The following C10orf143 variants were observed in gnomAD, a reference collection of about 807,000 sequenced individuals.
The protein encoded by C10orf143 is uncharacterized protein C10orf143.
Position 130,064,217 on chromosome 10 carries a change from C to A in C10orf143, c.*137G>T, listed in dbSNP as rs546348025. The stretch of plus-strand genomic sequence containing the variant: ...CTAGAATGAAAGGACAGACAAACCT[C>A]CCCCCACCCACAGAGGACACCGGGC... On this transcript the variant is annotated 3_prime_UTR_variant, in exon 4 of 4. Transcript: ENST00000637128. 4 of 391,478 alleles carry A rather than the reference C, an allele frequency of 1.0e-5. No individual in the cohort carries two copies. The Admixed American group carries it at 1.8e-4, about 17-fold the overall frequency. The allele number at this position is 391,478 out of a possible 1,614,324, so 24.3% of individuals were successfully genotyped here. A position where few individuals can be genotyped will look rare whatever the true frequency, so the allele number is the denominator to read the frequency against.
chr10:130,092,013 T>C (rs1861390281), intron 1 of C10orf143, among the ~76,000 whole-genome samples: 1 of 152,136 alleles, frequency 6.6e-6, no homozygotes. Flanking sequence ...CCAGAAAAAC[T>C]TACCCAACCT....
chr10:130,077,708 T>C (rs117560611), intron 3 of C10orf143, among the ~76,000 whole-genome samples: 2,317 of 152,362 alleles, frequency 0.015, 26 homozygotes, highest in Non-Finnish European at 0.024. Flanking sequence ...TACTATTTGC[T>C]TTTTATTTAA....
chr10:130,072,390 G>A (rs533170452), intron 3 of C10orf143, among the ~76,000 whole-genome samples: 1 of 151,942 alleles, frequency 6.6e-6, no homozygotes, highest in Non-Finnish European at 1.5e-5. Flanking sequence ...TTTCCTAATG[G>A]GCATTCTCAT....
chr10:130,042,604 C>T (rs902540702), intron 3 of C10orf143, among the ~76,000 whole-genome samples: 5 of 152,252 alleles, frequency 3.3e-5, no homozygotes, highest in African/African-American at 1.2e-4. Flanking sequence ...GCGGGCATCA[C>T]TCTACTGTTA....
At chr10:130,059,246 T>A (rs1860828625), downstream of C10orf143, among the ~76,000 whole-genome samples, 1 of 152,006 alleles carries the variant, frequency 6.6e-6, no homozygotes, top group Non-Finnish European at 1.5e-5. Context: ...CTCAAATGAT[T>A]GCAAGGCTAG....
At chr10:130,054,979 G>A (rs530590657) in intron 3 of C10orf143, among the ~76,000 whole-genome samples, 13 of 152,094 alleles carry the variant, frequency 8.5e-5, no homozygotes, top group African/African-American at 2.4e-4. Flanking sequence ...CCAACAAATG[G>A]TATTGAGAAA....
intron 1 of C10orf143, among the ~76,000 whole-genome samples, chr10:130,085,844 C>T (rs894150073): frequency 1.3e-5 from 2 of 152,092 alleles, no homozygotes; most frequent in Non-Finnish European, 1.5e-5. Context: ...ACCAAATTGC[C>T]TTCTCACAAC....
chr10:130,049,759 C>G (rs1316224863), intron 3 of C10orf143, among the ~76,000 whole-genome samples: 1 of 152,196 alleles, frequency 6.6e-6, no homozygotes, highest in Non-Finnish European at 1.5e-5. Context: ...TGAGGGAGAC[C>G]ATTCCACCGG....
At chr10:130,070,090 T>C (rs1861006262) in intron 3 of C10orf143, among the ~76,000 whole-genome samples, 1 of 152,218 alleles carries the variant, frequency 6.6e-6, no homozygotes, top group Admixed American at 6.5e-5. Context: ...ACAGATGATC[T>C]CTATTTTCCC....
intron 1 of C10orf143, chr10:130,108,344 T>C (rs573955134): frequency 5.0e-6 from 7 of 1,396,098 alleles, no homozygotes; most frequent in African/African-American, 2.8e-5. Flanking sequence ...AAGACCTGGA[T>C]TTTTCCCCCG....
intron 3 of C10orf143, among the ~76,000 whole-genome samples, chr10:130,073,358 A>G (rs1336017444): frequency 6.6e-6 from 1 of 152,170 alleles, no homozygotes. Flanking sequence ...CTGGTATTGT[A>G]ATTTCCAGTC....
At chr10:130,055,069 A>G (rs1278043105) in intron 3 of C10orf143, among the ~76,000 whole-genome samples, 1 of 152,250 alleles carries the variant, frequency 6.6e-6, no homozygotes, top group Non-Finnish European at 1.5e-5. Context: ...AAAATGGATT[A>G]AAGACTTCAA....
intron 1 of C10orf143, among the ~76,000 whole-genome samples, chr10:130,109,165 C>T (rs1326430795): frequency 6.6e-6 from 1 of 152,204 alleles, no homozygotes; most frequent in Non-Finnish European, 1.5e-5. Context: ...TCCTCTGACA[C>T]ACTACTGTAG....
chr10:130,062,415 G>T (rs1860867154), downstream of C10orf143, among the ~76,000 whole-genome samples: 1 of 152,170 alleles, frequency 6.6e-6, no homozygotes, highest in African/African-American at 2.4e-5. Context: ...CTAATCAGCT[G>T]CCAGCTTGGC....
At chr10:130,089,653 G>A (rs1327237620) in intron 1 of C10orf143, among the ~76,000 whole-genome samples, 1 of 152,128 alleles carries the variant, frequency 6.6e-6, no homozygotes, top group Non-Finnish European at 1.5e-5. Context: ...TAATATAATA[G>A]AAACTTAATA....
downstream of C10orf143, among the ~76,000 whole-genome samples, chr10:130,061,842 G>A (rs7071557): frequency 4.1e-3 from 620 of 152,274 alleles, 4 homozygotes; most frequent in African/African-American, 0.014. Flanking sequence ...AGTTCTGCAC[G>A]GGGTGAGCTC....
rs1211891833 is a variant in C10orf143 at position 130,102,291 on chromosome 10, A to AT, written c.69+8412dup. On this transcript the variant is annotated intron_variant, in intron 1 of 3. Transcript: ENST00000637128. ...GGTTTGATATTCGTTTATTATTTTT[A>AT]TTTTTTTTTGAGACACTCTCACTCT... 3.1e-4 allele frequency among the ~76,000 whole-genome samples: 47 copies of AT among 150,986 alleles called. 1 individual carries two copies. Among genetic ancestry groups the AT allele is most frequent in the African/African-American group, 6.3e-4 (26 of 41,124 alleles).
intron 3 of C10orf143, among the ~76,000 whole-genome samples, chr10:130,070,894 C>CT (rs1211618412): frequency 6.6e-6 from 1 of 151,784 alleles, no homozygotes; most frequent in East Asian, 1.9e-4. Flanking sequence ...TTTTCTTACT[C>CT]TAACAGTGCA....
chr10:130,078,595 G>C (rs1253058784), intron 3 of C10orf143, among the ~76,000 whole-genome samples: 1 of 152,154 alleles, frequency 6.6e-6, no homozygotes, highest in Non-Finnish European at 1.5e-5. Flanking sequence ...CATGGAATGA[G>C]TTACATACTA....
Sources: gnomAD v4.1 joint callset for allele counts (sites outside exome capture counted in the v4.1 genomes callset) on GRCh38, gnomAD v4.1.1 for gene constraint, MANE v1.5 for transcripts, NCBI Gene and HGNC (gene_info 2026-07-23, HGNC 2026-07-21) for gene names.